Variants in TAFA1 observed in about 807,000 individuals in gnomAD.
TAFA1 encodes the protein chemokine-like protein TAFA-1.
In TAFA1, 4 loss-of-function variants were observed where a neutral mutation model predicts 18.5. The observed-to-expected ratio is 0.22, with a 90% CI of 0.11 to 0.49. The LOEUF is 0.49. TAFA1 is among the 20% of genes least tolerant of loss of function. The probability of loss-of-function intolerance (pLI) is 0.98; values close to 1 mark genes in which losing one functional copy is unlikely to be tolerated. For synonymous variants in TAFA1, 56 were observed against 55.2 expected (o/e 1.01, Z -0.06); for missense variants, 147 against 169.0 (o/e 0.87, Z 0.72).
At chr3:68,382,570 TTGTCTA>T (rs1239833162) in intron 2 of TAFA1, among the ~76,000 whole-genome samples, 1 of 152,170 alleles carries the variant, frequency 6.6e-6, no homozygotes, top group Admixed American at 6.6e-5. Context: ...TCTGTTCCAT[TTGTCTA>T]TGTCTCTGTT....
intron 2 of TAFA1, among the ~76,000 whole-genome samples, chr3:68,231,720 C>T (rs2066874702): frequency 6.6e-6 from 1 of 152,124 alleles, no homozygotes; most frequent in Admixed American, 6.5e-5. Context: ...ATAGAATCCA[C>T]TTGTCTTAAA....
intron 2 of TAFA1, among the ~76,000 whole-genome samples, chr3:68,397,038 T>A (rs2070394583): frequency 6.6e-6 from 1 of 152,162 alleles, no homozygotes; most frequent in Non-Finnish European, 1.5e-5. Flanking sequence ...AGGAAAAATC[T>A]TAGTATTAAC....
chr3:68,478,466 A>C lies in TAFA1; in HGVS notation c.260-60290A>C, dbSNP rs142884387. On this transcript the variant is annotated intron_variant, in intron 3 of 4. Coordinates refer to ENST00000478136, the MANE Select transcript of TAFA1 (RefSeq NM_213609.4). Reference sequence around the variant, plus strand: ...TTTCAGTAAGGCTTAGAGTCTGCAAAATATGGGATCATGTCTCAATGAATA... The same window carrying C: ...TTTCAGTAAGGCTTAGAGTCTGCAACATATGGGATCATGTCTCAATGAATA... Among the ~76,000 whole-genome samples the C allele has an allele frequency of 2.0e-4, 30 of 152,366 alleles. No individual in the cohort carries two copies. In the East Asian group the frequency reaches 5.6e-3, roughly 28 times the overall value.
At chr3:68,274,246 T>C (rs1161344362) in intron 2 of TAFA1, among the ~76,000 whole-genome samples, 1 of 152,150 alleles carries the variant, frequency 6.6e-6, no homozygotes, top group Non-Finnish European at 1.5e-5. Context: ...TTTATGCTGT[T>C]TAGGATGATG....
At chr3:68,356,400 A>T (rs1308932782) in intron 2 of TAFA1, among the ~76,000 whole-genome samples, 2 of 151,846 alleles carry the variant, frequency 1.3e-5, no homozygotes, top group Non-Finnish European at 2.9e-5. Flanking sequence ...GCGTACACGG[A>T]TGCTTGGGTT....
At chr3:68,008,943 G>A (rs974959167) in intron 2 of TAFA1, among the ~76,000 whole-genome samples, 9 of 152,088 alleles carry the variant, frequency 5.9e-5, no homozygotes, top group Non-Finnish European at 1.2e-4. Context: ...GAGGTGGGGT[G>A]TAAATATAAT....
At chr3:68,273,772 T>G (rs1319851883) in intron 2 of TAFA1, among the ~76,000 whole-genome samples, 2 of 152,188 alleles carry the variant, frequency 1.3e-5, no homozygotes, top group Admixed American at 1.3e-4. Context: ...GTGGTAATAG[T>G]ATAATGCACA....
intron 3 of TAFA1, among the ~76,000 whole-genome samples, chr3:68,474,387 G>A (rs1285241297): frequency 2.0e-5 from 3 of 152,126 alleles, no homozygotes; most frequent in South Asian, 2.1e-4. Flanking sequence ...CCTGGAGGCC[G>A]ATTTCCACAC....
chr3:68,335,651 G>T (rs2068958031), intron 2 of TAFA1, among the ~76,000 whole-genome samples: 1 of 152,040 alleles, frequency 6.6e-6, no homozygotes, highest in Non-Finnish European at 1.5e-5. Context: ...ATACGTAATG[G>T]TATCAGACAC....
At chr3:68,078,925 T>C (rs1452104007) in intron 2 of TAFA1, among the ~76,000 whole-genome samples, 3 of 152,352 alleles carry the variant, frequency 2.0e-5, no homozygotes, top group African/African-American at 7.2e-5. Flanking sequence ...AATTCGGCTG[T>C]GAATCCATCT....
intron 2 of TAFA1, among the ~76,000 whole-genome samples, chr3:68,343,822 A>G (rs569245940): frequency 2.6e-5 from 4 of 151,964 alleles, no homozygotes; most frequent in Non-Finnish European, 4.4e-5. Flanking sequence ...TCTGATTCTG[A>G]CATTTAAGAA....
At chr3:68,426,699 A>G (rs1372166947) in intron 3 of TAFA1, among the ~76,000 whole-genome samples, 1 of 151,896 alleles carries the variant, frequency 6.6e-6, no homozygotes, top group Non-Finnish European at 1.5e-5. Flanking sequence ...ACTCTTCTCT[A>G]TGGGGTTCAC....
At chr3:68,146,912 C>T (rs2065747819) in intron 2 of TAFA1, among the ~76,000 whole-genome samples, 2 of 152,032 alleles carry the variant, frequency 1.3e-5, no homozygotes, top group African/African-American at 2.4e-5. Flanking sequence ...TTTGAAAAGA[C>T]TTAAATGGCT....
chr3:68,443,183 C>A (rs911086143), intron 3 of TAFA1, among the ~76,000 whole-genome samples: 1 of 152,060 alleles, frequency 6.6e-6, no homozygotes, highest in Admixed American at 6.6e-5. Context: ...TTGCAAGGGG[C>A]CTGAAAATTG....
At chr3:68,221,302 T>C (rs907209819) in intron 2 of TAFA1, among the ~76,000 whole-genome samples, 6 of 152,180 alleles carry the variant, frequency 3.9e-5, no homozygotes, top group Non-Finnish European at 8.8e-5. Flanking sequence ...TCTTTTCTCC[T>C]TCCCATTATT....
chr3:68,475,332 CCT>C (rs1430019792), intron 3 of TAFA1, among the ~76,000 whole-genome samples: 1 of 151,628 alleles, frequency 6.6e-6, no homozygotes, highest in African/African-American at 2.4e-5. Context: ...ACAACAGTCC[CCT>C]GTGTGTGATG....
At chr3:68,102,883 C>A (rs886092082) in intron 2 of TAFA1, among the ~76,000 whole-genome samples, 1 of 152,140 alleles carries the variant, frequency 6.6e-6, no homozygotes, top group Non-Finnish European at 1.5e-5. Context: ...AATGCTTGGG[C>A]CAAGGGCTGT....
At chr3:68,077,814 A>G (rs1035353736) in intron 2 of TAFA1, among the ~76,000 whole-genome samples, 2 of 151,906 alleles carry the variant, frequency 1.3e-5, no homozygotes, top group Admixed American at 1.3e-4. Context: ...TTCCATATGA[A>G]CTTTAAAGTA....
At chr3:68,387,898 T>C (rs993353442) in intron 2 of TAFA1, among the ~76,000 whole-genome samples, 3 of 152,178 alleles carry the variant, frequency 2.0e-5, no homozygotes, top group African/African-American at 7.2e-5. Flanking sequence ...ACAATTATTA[T>C]TGTGTTTAAC....
Sources: allele counts gnomAD v4.1 joint callset (sites outside exome capture counted in the v4.1 genomes callset), GRCh38; gene constraint gnomAD v4.1.1; transcripts MANE v1.5; gene names NCBI Gene and HGNC (gene_info 2026-07-23, HGNC 2026-07-21).